POLH: variants seen among roughly 807,000 people sequenced by gnomAD.
POLH encodes the protein DNA polymerase eta transcript.
POLH carries 53 observed loss-of-function variants against 73.6 expected under a neutral mutation model. The ratio of observed to expected loss-of-function variants is 0.72; its 90% CI spans 0.58 to 0.91. The LOEUF is 0.91. Ranked by LOEUF, POLH falls within the 40% of genes least tolerant of loss-of-function variation. The pLI is 0.00. For missense variants in POLH, 768 were observed against 865.4 expected (o/e 0.89, Z 1.41); for synonymous variants, 292 against 308.5 (o/e 0.95, Z 0.56).
chr6:43,594,214 T>TA (rs1296512791), intron 4 of POLH, among the ~76,000 whole-genome samples: 1 of 152,206 alleles, frequency 6.6e-6, no homozygotes, highest in Non-Finnish European at 1.5e-5. Context: ...TCTAACTGTT[T>TA]AAAAAGGTCC....
At chr6:43,601,498 T>G (rs1322248415) in intron 6 of POLH, among the ~76,000 whole-genome samples, 1 of 151,956 alleles carries the variant, frequency 6.6e-6, no homozygotes, top group Non-Finnish European at 1.5e-5. Flanking sequence ...ACTCTTGACC[T>G]CAGGTGATTT....
intron 6 of POLH, 152 bp from the exon 7 acceptor site, chr6:43,603,740 C>G (rs930718221): frequency 2.7e-6 from 2 of 736,710 alleles, no homozygotes; most frequent in Non-Finnish European, 4.7e-6. Flanking sequence ...TTCTCAAATT[C>G]TAACTCCCAG....
rs1446028259 is a variant in POLH, at chr6:43,620,284, A to T, written c.*5727A>T. ...AGGCCTCAGTATTCTGCTCACTTGAACTACGGAAAATAGGCCACAATACTT... is the reference window on the plus strand; with the variant it reads ...AGGCCTCAGTATTCTGCTCACTTGATCTACGGAAAATAGGCCACAATACTT... On this transcript the variant is annotated 3_prime_UTR_variant, in exon 11 of 11. Coordinates refer to ENST00000372236, the MANE Select transcript of POLH (RefSeq NM_006502.3). 1 of 517,376 alleles carries T rather than the reference A, an allele frequency of 1.9e-6. No individual in the cohort carries two copies. Among genetic ancestry groups the T allele is most frequent in the Non-Finnish European group, 3.9e-6 (1 of 259,554 alleles). The allele number at this position is 517,376 out of a possible 1,614,324, so 32.0% of individuals were successfully genotyped here.
In POLH at chr6:43,617,667, T is replaced by C. The variant is rs1270667649; in HGVS notation, c.*3110T>C. On this transcript the variant is annotated 3_prime_UTR_variant, in exon 11 of 11. Transcript: ENST00000372236. Reference sequence around the variant, plus strand: ...AATGTGGGCCGGGTGCAGTGGCTCATGCCTGTAATCCCAGCACTTTGGGAG... The same window carrying C: ...AATGTGGGCCGGGTGCAGTGGCTCACGCCTGTAATCCCAGCACTTTGGGAG... Among the ~76,000 whole-genome samples the C allele has an allele frequency of 6.6e-6, 1 of 151,790 alleles. No homozygotes were observed. Among genetic ancestry groups the C allele is most frequent in the Non-Finnish European group, 1.5e-5 (1 of 67,968 alleles).
chr6:43,601,524 C>G (rs1463627404), intron 6 of POLH, among the ~76,000 whole-genome samples: 2 of 152,052 alleles, frequency 1.3e-5, no homozygotes, highest in African/African-American at 4.8e-5. Flanking sequence ...CCTCAGCCTC[C>G]CAAAGTGTTG....
chr6:43,602,658 G>A (rs1325609900), intron 6 of POLH, among the ~76,000 whole-genome samples: 1 of 152,030 alleles, frequency 6.6e-6, no homozygotes, highest in Non-Finnish European at 1.5e-5. Flanking sequence ...TCAAAGGCTG[G>A]GCTAAAGAAT....
rs1007538639 is a variant in POLH at position 43,617,938 on chromosome 6, G to A, written c.*3381G>A. 2.0e-5 allele frequency among the ~76,000 whole-genome samples: 3 copies of A among 152,016 alleles called. No individual in the cohort carries two copies. Among genetic ancestry groups the A allele is most frequent in the African/African-American group, 7.3e-5 (3 of 41,378 alleles). On this transcript the variant is annotated 3_prime_UTR_variant, in exon 11 of 11. Transcript: ENST00000372236. Reference sequence around the variant, plus strand: ...TCTCAAAAAAAAAAAAATTCCCAATGTGTATCTTAAAGTTTGAGAAATGCT... The same window carrying A: ...TCTCAAAAAAAAAAAAATTCCCAATATGTATCTTAAAGTTTGAGAAATGCT...
intron 5 of POLH, 134 bp downstream of exon 5, chr6:43,597,999 G>T: frequency 2.6e-6 from 2 of 770,438 alleles, no homozygotes; most frequent in Admixed American, 4.0e-5. Context: ...GATCGCGTGA[G>T]CCCAGGAGTT....
In POLH at chr6:43,617,810, A is replaced by T. The variant is rs1393714103; in HGVS notation, c.*3253A>T. Among the ~76,000 whole-genome samples, 2 of 152,086 alleles carry T rather than the reference A, an allele frequency of 1.3e-5. No individual in the cohort carries two copies. The highest frequency in any genetic ancestry group is 4.8e-5 in the African/African-American group (2 of 41,414). Reference sequence around the variant, plus strand: ...GTGGTGCACGCCTGTAGTCCCAGCTACTTGGGAGGCTGAGGCAGAAGAATT... The same window carrying T: ...GTGGTGCACGCCTGTAGTCCCAGCTTCTTGGGAGGCTGAGGCAGAAGAATT... On this transcript the variant is annotated 3_prime_UTR_variant, in exon 11 of 11. Transcript: ENST00000372236.
intron 10 of POLH, 140 bp from the exon 11 acceptor site, chr6:43,613,520 C>T: frequency 1.4e-6 from 1 of 718,110 alleles, no homozygotes; most frequent in East Asian, 2.6e-5. Context: ...ATTTCTGTGG[C>T]AGAACCAGAA....
At chr6:43,581,913 GA>G (rs993935502) in intron 1 of POLH, among the ~76,000 whole-genome samples, 10 of 151,510 alleles carry the variant, frequency 6.6e-5, no homozygotes, top group East Asian at 2.0e-4. Flanking sequence ...TCTCAAGATC[GA>G]GTGAAAGAAT....
At chr6:43,588,456 CATTT>C (rs1765091171) in intron 4 of POLH, 2 of 142,926 alleles carry the variant, frequency 1.4e-5, no homozygotes, top group South Asian at 4.5e-4. Context: ...CATTTCATTT[CATTT>C]CTTTATTTTG....
chr6:43,583,110 C>T lies in POLH; in HGVS notation c.241C>T (p.Arg81Cys), dbSNP rs113074920. 29 of 1,613,846 alleles carry T rather than the reference C, an allele frequency of 1.8e-5. No individual in the cohort carries two copies. The highest frequency in any genetic ancestry group is 1.6e-4 in the Middle Eastern group (1 of 6,062). Residue 81 changes from arginine to cysteine, a missense_variant, in exon 3 of 11, where the codon CGT becomes TGT. Transcript: ENST00000372236. ...TCCAGATCTTCTACTGGCACAAGTT[C>T]GTGAGTCCCGTGGGAAAGCTAACCT... ...LCPDLLLAQV[R>C]ESRGKANLTK...
chr6:43,591,232 C>A (rs1309729354), intron 4 of POLH: 2 of 152,140 alleles, frequency 1.3e-5, no homozygotes, highest in African/African-American at 4.8e-5. Flanking sequence ...TATTCTGGGA[C>A]CAGAGTCAGA....
rs1768306196 is a variant in POLH, at chr6:43,616,058, G to A, written c.*1501G>A. ...AATCCCAGCACTTTGGGAGGCCGAG[G>A]CGGGCGGATCACAAGGTCAGGAGAT... On this transcript the variant is annotated 3_prime_UTR_variant, in exon 11 of 11. Coordinates refer to ENST00000372236, the MANE Select transcript of POLH (RefSeq NM_006502.3). 6.6e-6 allele frequency among the ~76,000 whole-genome samples: 1 copy of A among 152,064 alleles called. No homozygotes were observed. Among genetic ancestry groups the A allele is most frequent in the African/African-American group, 2.4e-5 (1 of 41,442 alleles).
intron 9 of POLH, among the ~76,000 whole-genome samples, chr6:43,607,731 A>T (rs1170785638): frequency 6.6e-6 from 1 of 152,142 alleles, no homozygotes; most frequent in Admixed American, 6.6e-5. Context: ...CTGACTTTTT[A>T]AATTTTAGCC....
At position 43,587,471 on chromosome 6, in the gene POLH, G is replaced by A. The variant is rs1325795586; in HGVS notation, c.472G>A (p.Glu158Lys). ...GTTGCCCCAAGGCCCTACAACGGCA[G>A]AAGAGACTGTTCAGAAAGGTACTTC... is the stretch of plus-strand genomic sequence containing the variant. ...EGLPQGPTTA[E>K]ETVQKEGMRK... The change falls in exon 4 of 11, where the codon GAA becomes AAA. Residue 158 changes from glutamate (E) to lysine (K), a missense_variant. Physicochemically the swap from Glu to Lys is moderately conservative, Grantham distance 56. Transcript: ENST00000372236. 1 of 1,613,520 alleles carries A rather than the reference G, an allele frequency of 6.2e-7. No individual in the cohort carries two copies. Among genetic ancestry groups the A allele is most frequent in the Middle Eastern group, 1.6e-4 (1 of 6,062 alleles).
chr6:43,606,889 C>T (rs964229992), intron 9 of POLH, among the ~76,000 whole-genome samples: 1 of 152,118 alleles, frequency 6.6e-6, no homozygotes, highest in Non-Finnish European at 1.5e-5. Context: ...ATCCTGTGCC[C>T]ATTACCAGTC....
intron 4 of POLH, among the ~76,000 whole-genome samples, chr6:43,596,553 T>G (rs1206026730): frequency 6.6e-6 from 1 of 152,160 alleles, no homozygotes; most frequent in African/African-American, 2.4e-5. Flanking sequence ...GTGAAATATT[T>G]TAAAGTAGGT....
Sources: gnomAD v4.1 joint callset for allele counts (sites outside exome capture counted in the v4.1 genomes callset) on GRCh38, gnomAD v4.1.1 for gene constraint, MANE v1.5 for transcripts, NCBI Gene and HGNC (gene_info 2026-07-23, HGNC 2026-07-21) for gene names.